Variants in STXBP6 observed in about 807,000 individuals in gnomAD.
STXBP6 encodes syntaxin-binding protein 6.
A neutral mutation model predicts 26.9 loss-of-function variants in STXBP6; 21 were observed. That is an observed-to-expected ratio of 0.78 (90% confidence interval 0.55 to 1.12). STXBP6 has a LOEUF of 1.12. Among genes scored for constraint, STXBP6 ranks in the 50% most tolerant of loss-of-function variants. The probability of loss-of-function intolerance (pLI) is 0.00; values close to 1 mark genes in which losing one functional copy is unlikely to be tolerated. For missense variants in STXBP6, 232 were observed against 257.9 expected, an observed-to-expected ratio of 0.90 and a Z score of 0.69; for synonymous variants, 97 against 92.6, an observed-to-expected ratio of 1.05 and a Z score of -0.27.
chr14:24,894,858 T>C (rs1376993482), intron 2 of STXBP6, among the ~76,000 whole-genome samples: 1 of 149,334 alleles, frequency 6.7e-6, no homozygotes, highest in African/African-American at 2.5e-5. Flanking sequence ...TTAAAAGTTT[T>C]CCATTCTAAC....
At chr14:25,031,106 A>G (rs781335642) in intron 1 of STXBP6, among the ~76,000 whole-genome samples, 2 of 152,220 alleles carry the variant, frequency 1.3e-5, no homozygotes, top group Non-Finnish European at 2.9e-5. Flanking sequence ...GTAAATATTT[A>G]TAGACCTATA....
chr14:25,040,348 A>G, intron 1 of STXBP6, among the ~76,000 whole-genome samples: 1 of 152,168 alleles, frequency 6.6e-6, no homozygotes, highest in Non-Finnish European at 1.5e-5. Context: ...TTTCTCTGCA[A>G]CTCAGGAAAA....
At chr14:24,958,963 A>G (rs966573163) in intron 2 of STXBP6, among the ~76,000 whole-genome samples, 1 of 152,192 alleles carries the variant, frequency 6.6e-6, no homozygotes, top group Non-Finnish European at 1.5e-5. Context: ...GTGCTCTAGA[A>G]CAATGATCTA....
Position 24,857,134 on chromosome 14 carries a change from C to T in STXBP6, c.178G>A (p.Ala60Thr), listed in dbSNP as rs1256332921. 3 of 1,612,912 alleles carry T rather than the reference C, an allele frequency of 1.9e-6. No individual in the cohort carries two copies. Among genetic ancestry groups the T allele is most frequent in the Non-Finnish European group, 2.5e-6 (3 of 1,179,170 alleles). ...LSVTNKKPTQ[A>T]SITKVKQFEG... ...AACTGTTTGACCTTTGTGATGGACGCCTGTGTGGGTTTCTTGTTTGTCACT... is the reference window on the plus strand; with the variant it reads ...AACTGTTTGACCTTTGTGATGGACGTCTGTGTGGGTTTCTTGTTTGTCACT... The change falls in exon 3 of 6, where the codon GCG becomes ACG. Residue 60 changes from alanine to threonine, a missense_variant. Ala to Thr is a moderately conservative substitution (Grantham distance 58). Coordinates refer to ENST00000323944, the MANE Select transcript of STXBP6 (RefSeq NM_001394410.1).
chr14:24,931,395 T>G (rs1427659879), intron 2 of STXBP6, among the ~76,000 whole-genome samples: 2 of 152,034 alleles, frequency 1.3e-5, no homozygotes, highest in East Asian at 1.9e-4. Context: ...GAAAAAAAAG[T>G]AATTAAAAGC....
chr14:24,985,281 C>G (rs532852264), intron 1 of STXBP6, among the ~76,000 whole-genome samples: 16 of 152,314 alleles, frequency 1.1e-4, no homozygotes, highest in Non-Finnish European at 1.6e-4. Flanking sequence ...GGGACAATGC[C>G]TATGAAAGCC....
intron 1 of STXBP6, among the ~76,000 whole-genome samples, chr14:25,017,323 T>C (rs1002251984): frequency 3.9e-5 from 6 of 152,228 alleles, no homozygotes; most frequent in Non-Finnish European, 7.3e-5. Context: ...CATGTCATAC[T>C]GTGACTCTTC....
chr14:24,936,501 A>C (rs1232817752), intron 2 of STXBP6, among the ~76,000 whole-genome samples: 2 of 152,226 alleles, frequency 1.3e-5, no homozygotes, highest in African/African-American at 4.8e-5. Context: ...CTTACAGATT[A>C]GATTTGTAAA....
intron 2 of STXBP6, among the ~76,000 whole-genome samples, chr14:24,941,418 G>T (rs1318688653): frequency 6.6e-6 from 1 of 152,236 alleles, no homozygotes; most frequent in Non-Finnish European, 1.5e-5. Flanking sequence ...ATTCAGCTGG[G>T]TGAGGAAATA....
Position 24,951,393 on chromosome 14 carries a change from C to T in STXBP6, c.154+23272G>A, listed in dbSNP as rs1432425049. ...CGTTCCTATTTCTCCACATCCTCTC[C>T]GGACTTTTTAATGAGCGTCATTCTA... On this transcript the variant is annotated intron_variant, in intron 2 of 5. Coordinates refer to ENST00000323944, the MANE Select transcript of STXBP6 (RefSeq NM_001394410.1). Among the ~76,000 whole-genome samples, 7 of 152,238 alleles carry T rather than the reference C, an allele frequency of 4.6e-5. 1 individual carries two copies. In the South Asian group the frequency reaches 1.0e-3, roughly 23 times the overall value.
At chr14:24,889,828 A>C (rs960220991) in intron 2 of STXBP6, among the ~76,000 whole-genome samples, 1 of 152,246 alleles carries the variant, frequency 6.6e-6, no homozygotes. Flanking sequence ...TAGTTTTAGC[A>C]GAAATTATTT....
chr14:24,970,348 T>C (rs2073869389), intron 2 of STXBP6, among the ~76,000 whole-genome samples: 1 of 152,276 alleles, frequency 6.6e-6, no homozygotes, highest in East Asian at 1.9e-4. Context: ...ACCTACGTAA[T>C]CAACACCACA....
At chr14:25,010,864 G>C (rs1347079355) in intron 1 of STXBP6, among the ~76,000 whole-genome samples, 1 of 152,092 alleles carries the variant, frequency 6.6e-6, no homozygotes, top group Non-Finnish European at 1.5e-5. Context: ...TGGTGGTGTG[G>C]AGTTTCAAAG....
At chr14:25,032,050 G>A (rs1039982183) in intron 1 of STXBP6, among the ~76,000 whole-genome samples, 16 of 152,258 alleles carry the variant, frequency 1.1e-4, no homozygotes, top group African/African-American at 3.6e-4. Flanking sequence ...CAGGAAGATA[G>A]AAAGTTTGAA....
chr14:24,982,000 G>A (rs1254829824), intron 1 of STXBP6, among the ~76,000 whole-genome samples: 1 of 152,262 alleles, frequency 6.6e-6, no homozygotes, highest in African/African-American at 2.4e-5. Flanking sequence ...ATATTTACAT[G>A]CATAAAGAGA....
At chr14:24,883,015 T>A (rs901283679) in intron 2 of STXBP6, among the ~76,000 whole-genome samples, 5 of 152,200 alleles carry the variant, frequency 3.3e-5, no homozygotes, top group Non-Finnish European at 5.9e-5. Context: ...CAATTTCCAA[T>A]AAAAGGGATT....
chr14:24,918,294 TAAAAG>T (rs1027230720), intron 2 of STXBP6, among the ~76,000 whole-genome samples: 2 of 151,952 alleles, frequency 1.3e-5, no homozygotes, highest in African/African-American at 2.4e-5. Context: ...AAACTAGTCT[TAAAAG>T]AAACAAGTAG....
chr14:25,048,136 AGAGAG>A (rs1417764484), intron 1 of STXBP6, among the ~76,000 whole-genome samples: 11 of 152,262 alleles, frequency 7.2e-5, no homozygotes, highest in Admixed American at 2.6e-4. Context: ...AGGAGTGGAC[AGAGAG>A]GAGAGAAGAC....
intron 2 of STXBP6, among the ~76,000 whole-genome samples, chr14:24,938,296 A>C (rs986561884): frequency 2.0e-5 from 3 of 152,178 alleles, no homozygotes; most frequent in African/African-American, 7.2e-5. Context: ...AGGATGGTTT[A>C]TCTCCTAATA....
Sources: gnomAD v4.1 joint callset for allele counts (sites outside exome capture counted in the v4.1 genomes callset) on GRCh38, gnomAD v4.1.1 for gene constraint, MANE v1.5 for transcripts, NCBI Gene and HGNC (gene_info 2026-07-23, HGNC 2026-07-21) for gene names.